JHY: variants seen among roughly 807,000 people sequenced by gnomAD.
JHY encodes jhy protein homolog.
A neutral mutation model predicts 78.0 loss-of-function variants in JHY; 69 were observed. The ratio of observed to expected loss-of-function variants is 0.88; its 90% CI spans 0.73 to 1.08. The LOEUF (loss-of-function observed/expected upper bound fraction) is 1.08. Ranked by LOEUF, JHY falls within the 50% of genes least tolerant of loss-of-function variation. The pLI, the probability that JHY is intolerant of heterozygous loss-of-function variation, is 0.00. For synonymous variants in JHY, 368 were observed against 342.6 expected (o/e 1.07, Z -0.82); for missense variants, 944 against 927.8 (o/e 1.02, Z -0.23).
At chr11:122,933,106 A>G (rs1238415569) in intron 4 of JHY, among the ~76,000 whole-genome samples, 2 of 152,248 alleles carry the variant, frequency 1.3e-5, no homozygotes, top group Admixed American at 6.5e-5. Context: ...GAAATAGAAC[A>G]CTGCTTAATA....
At chr11:122,953,008 A>G (rs996900861) in intron 6 of JHY, among the ~76,000 whole-genome samples, 1 of 152,226 alleles carries the variant, frequency 6.6e-6, no homozygotes, top group Non-Finnish European at 1.5e-5. Context: ...CAGTATAATC[A>G]AGGTTTGGAC....
In JHY at chr11:122,961,944, A is replaced by G. The variant is rs981199179; in HGVS notation, c.*2499A>G. Among the ~76,000 whole-genome samples, 3 of 152,206 alleles carry G rather than the reference A, an allele frequency of 2.0e-5. No homozygotes were observed. Among genetic ancestry groups the G allele is most frequent in the Admixed American group, 2.0e-4 (3 of 15,284 alleles). On this transcript the variant is annotated 3_prime_UTR_variant, in exon 9 of 9. Transcript: ENST00000227349. ...CCTAATGCAGGCAACTCTGAGAGAC[A>G]CACTTTATCAAAGCTCCTTACTCCA...
intron 3 of JHY, among the ~76,000 whole-genome samples, chr11:122,915,193 C>G (rs538750468): frequency 3.2e-4 from 48 of 152,282 alleles, no homozygotes; most frequent in Middle Eastern, 3.4e-3. Context: ...TCATATTGCA[C>G]CGTTCTGTAG....
intron 1 of JHY, among the ~76,000 whole-genome samples, chr11:122,885,401 G>A (rs566760684): frequency 6.6e-5 from 10 of 152,108 alleles, no homozygotes; most frequent in Admixed American, 1.3e-4. Context: ...TAGTTATTTG[G>A]GCATTTGAAA....
intron 6 of JHY, among the ~76,000 whole-genome samples, chr11:122,954,770 TAGAC>T (rs1171607122): frequency 6.6e-6 from 1 of 151,998 alleles, no homozygotes; most frequent in Non-Finnish European, 1.5e-5. Flanking sequence ...GTACAAAAAT[TAGAC>T]AGTCTCATAA....
At chr11:122,900,062 C>T (rs889015788) in intron 2 of JHY, among the ~76,000 whole-genome samples, 5 of 152,196 alleles carry the variant, frequency 3.3e-5, no homozygotes, top group Non-Finnish European at 5.9e-5. Context: ...TGCAGTGCAG[C>T]GAGGTTTTAG....
chr11:122,904,812 A>G (rs1452494192), intron 3 of JHY, among the ~76,000 whole-genome samples: 1 of 152,246 alleles, frequency 6.6e-6, no homozygotes, highest in Admixed American at 6.5e-5. Context: ...TGTTTTCCAA[A>G]TGATAAAATA....
At chr11:122,908,501 T>TG (rs1437279434) in intron 3 of JHY, among the ~76,000 whole-genome samples, 6 of 152,220 alleles carry the variant, frequency 3.9e-5, no homozygotes, top group Admixed American at 2.6e-4. Context: ...GCAAGGCTGG[T>TG]GGTCCATGGA....
chr11:122,914,620 T>A (rs1863198658), intron 3 of JHY, among the ~76,000 whole-genome samples: 2 of 152,044 alleles, frequency 1.3e-5, no homozygotes, highest in South Asian at 4.1e-4. Context: ...AATTTTTCTA[T>A]TTTTAGTAGA....
intron 4 of JHY, among the ~76,000 whole-genome samples, chr11:122,928,894 C>T (rs9735013): frequency 0.23 from 34,603 of 151,728 alleles, 6,220 homozygotes; most frequent in African/African-American, 0.5. Flanking sequence ...GTGATCCGCC[C>T]GCCTCGGCCT....
At chr11:122,916,934 C>T (rs111649128) in intron 3 of JHY, among the ~76,000 whole-genome samples, 6 of 152,236 alleles carry the variant, frequency 3.9e-5, no homozygotes, top group African/African-American at 9.6e-5. Context: ...TGGCCATAAT[C>T]GCTAGGTTTT....
chr11:122,928,712 A>G (rs931945622), intron 4 of JHY, among the ~76,000 whole-genome samples: 1 of 152,134 alleles, frequency 6.6e-6, no homozygotes, highest in Non-Finnish European at 1.5e-5. Flanking sequence ...GCAGTGGCAC[A>G]ATCTCGGCTC....
At chr11:122,928,021 G>A (rs1179164100) in intron 4 of JHY, among the ~76,000 whole-genome samples, 1 of 152,100 alleles carries the variant, frequency 6.6e-6, no homozygotes, top group Non-Finnish European at 1.5e-5. Flanking sequence ...GTGAGCCACT[G>A]TGCCTGTGTT....
chr11:122,960,765 C>G lies in JHY; in HGVS notation c.*1320C>G, dbSNP rs958263818. 3 of 484,254 alleles carry G rather than the reference C, an allele frequency of 6.2e-6. No individual in the cohort carries two copies. The highest frequency in any genetic ancestry group is 1.2e-5 in the Non-Finnish European group (3 of 244,308). The allele number at this position is 484,254 out of a possible 1,614,324, so 30.0% of individuals were successfully genotyped here. The stretch of plus-strand genomic sequence containing the variant: ...AGAGGTGAAGCAGGCTTCCATCAAA[C>G]AAATCCAGGATGCAATTGATTTGGA... On this transcript the variant is annotated 3_prime_UTR_variant, in exon 9 of 9. Coordinates refer to ENST00000227349, the MANE Select transcript of JHY (RefSeq NM_024806.4).
intron 8 of JHY, among the ~76,000 whole-genome samples, chr11:122,958,487 T>C (rs975017234): frequency 3.3e-5 from 5 of 152,172 alleles, no homozygotes; most frequent in African/African-American, 1.2e-4. Context: ...ATTAGAAATA[T>C]CTGTAGCATT....
At chr11:122,908,940 T>G (rs955079050) in intron 3 of JHY, among the ~76,000 whole-genome samples, 1 of 152,214 alleles carries the variant, frequency 6.6e-6, no homozygotes, top group East Asian at 1.9e-4. Flanking sequence ...CAAGGAAGAA[T>G]ACACAAAAAG....
rs1162868027 is a variant in JHY, at chr11:122,898,256, C to G, written c.345-5669C>G. On this transcript the variant is annotated intron_variant, in intron 2 of 8. Coordinates refer to ENST00000227349, the MANE Select transcript of JHY (RefSeq NM_024806.4). The surrounding 1 kb of genome is among the most constrained non-coding windows in gnomAD (Gnocchi z 4.4). The stretch of plus-strand genomic sequence containing the variant: ...AGGTGTTCCATGCTTATCTGTTGAC[C>G]GACTGATCCATTCGCTGATTCACAT... 1.3e-5 allele frequency among the ~76,000 whole-genome samples: 2 copies of G among 152,068 alleles called. No individual in the cohort carries two copies.
chr11:122,948,366 C>G (rs898968589), intron 6 of JHY, among the ~76,000 whole-genome samples: 6 of 151,720 alleles, frequency 4.0e-5, no homozygotes, highest in African/African-American at 1.4e-4. Context: ...TCACTTGAAC[C>G]TGGGAGACGG....
At chr11:122,916,400 CGT>C (rs1863235145) in intron 3 of JHY, among the ~76,000 whole-genome samples, 1 of 152,136 alleles carries the variant, frequency 6.6e-6, no homozygotes, top group Non-Finnish European at 1.5e-5. Flanking sequence ...TTTCACTTAA[CGT>C]ATATAAATAT....
Sources: allele counts gnomAD v4.1 joint callset (sites outside exome capture counted in the v4.1 genomes callset), GRCh38; gene constraint gnomAD v4.1.1; non-coding constraint Gnocchi (gnomAD v3.1); transcripts MANE v1.5; gene names NCBI Gene and HGNC (gene_info 2026-07-23, HGNC 2026-07-21).